IL1RAPL2: variants seen among roughly 807,000 people sequenced by gnomAD.
IL1RAPL2 encodes interleukin 1 receptor accessory protein like 2, also known as X-linked interleukin-1 receptor accessory protein-like 2.
A neutral mutation model predicts 44.1 loss-of-function variants in IL1RAPL2; 3 were observed. The observed-to-expected ratio is 0.07, with a 90% CI of 0.03 to 0.18. IL1RAPL2 has a LOEUF of 0.18. Among genes scored for constraint, IL1RAPL2 ranks in the 10% least tolerant of loss-of-function variants. IL1RAPL2 has a pLI of 1.00. For missense variants in IL1RAPL2, 391 were observed against 496.4 expected (o/e 0.79, Z 2.02); for synonymous variants, 181 against 178.8 (o/e 1.01, Z -0.10).
intron 2 of IL1RAPL2, among the ~76,000 whole-genome samples, chrX:104,838,784 G>T (rs1170413337): frequency 9.2e-6 from 1 of 108,223 alleles, no homozygotes. Context: ...GTGAGAGAGG[G>T]CATCCTTGTC....
chrX:105,080,020 T>G (rs1220325923), intron 2 of IL1RAPL2, among the ~76,000 whole-genome samples: 1 of 112,430 alleles, frequency 8.9e-6, no homozygotes, highest in African/African-American at 3.2e-5. Flanking sequence ...TCTGTTCATA[T>G]CCTTCACCTG....
At position 104,923,854 on chromosome X, in the gene IL1RAPL2, C is replaced by T. The variant is rs756722215; in HGVS notation, c.82+264859C>T. Among the ~76,000 whole-genome samples the T allele has an allele frequency of 9.1e-4, 72 of 78,978 alleles. 5 individuals carry two copies. The South Asian group carries it at 0.011, about 12-fold the overall frequency. 68.6% of individuals were successfully genotyped at this position (78,978 alleles called of 115,157 possible). Reference sequence around the variant, plus strand: ...AAATGTACCAATTAAAAGATATAGACGGGCAAGTTGGATTTAAAAAAAAAA... The same window carrying T: ...AAATGTACCAATTAAAAGATATAGATGGGCAAGTTGGATTTAAAAAAAAAA... On this transcript the variant is annotated intron_variant, in intron 2 of 10. Transcript: ENST00000372582.
chrX:105,015,320 A>G (rs1458935027), intron 2 of IL1RAPL2, among the ~76,000 whole-genome samples: 1 of 110,723 alleles, frequency 9.0e-6, no homozygotes, highest in Non-Finnish European at 1.9e-5. Flanking sequence ...GTTTAATTAG[A>G]TCCCGTTTGT....
At chrX:105,063,636 A>G (rs1478606194) in intron 2 of IL1RAPL2, among the ~76,000 whole-genome samples, 2 of 111,770 alleles carry the variant, frequency 1.8e-5, no homozygotes, top group African/African-American at 6.5e-5. Flanking sequence ...GTGTCTGCAA[A>G]TTGATGAGTT....
At chrX:105,254,204 A>T (rs1469922031) in intron 4 of IL1RAPL2, among the ~76,000 whole-genome samples, 1 of 111,518 alleles carries the variant, frequency 9.0e-6, no homozygotes, top group Non-Finnish European at 1.9e-5. Context: ...CCACAACCTC[A>T]CCAGCATCTG....
At chrX:104,858,551 A>G (rs1922423256) in intron 2 of IL1RAPL2, among the ~76,000 whole-genome samples, 1 of 112,195 alleles carries the variant, frequency 8.9e-6, no homozygotes, top group Non-Finnish European at 1.9e-5. Flanking sequence ...AATAAAATTG[A>G]TATGCATTTA....
intron 2 of IL1RAPL2, among the ~76,000 whole-genome samples, chrX:105,163,722 C>A (rs1200344588): frequency 9.0e-6 from 1 of 111,279 alleles, no homozygotes; most frequent in Non-Finnish European, 1.9e-5. Context: ...TATGGCTGAA[C>A]AACACCCCAT....
rs992908791 is a variant in IL1RAPL2, at chrX:105,579,764, G to A, written c.772+95377G>A. ...GATATGAAGCCAGTACTCAATTCTG[G>A]CTCTATATAATACCACCTATTATCC... On this transcript the variant is annotated intron_variant, in intron 6 of 10. Coordinates refer to ENST00000372582, the MANE Select transcript of IL1RAPL2 (RefSeq NM_017416.2). Among the ~76,000 whole-genome samples, 7 of 111,552 alleles carry A rather than the reference G, an allele frequency of 6.3e-5. No homozygotes were observed. The Admixed American group carries it at 6.7e-4, about 11-fold the overall frequency.
chrX:105,089,608 A>G (rs779589422), intron 2 of IL1RAPL2, among the ~76,000 whole-genome samples: 4 of 111,628 alleles, frequency 3.6e-5, no homozygotes, highest in Non-Finnish European at 7.5e-5. Context: ...CTGTCTTTCA[A>G]GAGTGTTATT....
At chrX:104,781,924 C>G (rs1212618825) in intron 2 of IL1RAPL2, among the ~76,000 whole-genome samples, 1 of 111,243 alleles carries the variant, frequency 9.0e-6, no homozygotes, top group African/African-American at 3.3e-5. Context: ...GTCATGAGGG[C>G]TCCAACCTCA....
intron 2 of IL1RAPL2, among the ~76,000 whole-genome samples, chrX:105,054,345 G>A (rs73520241): frequency 0.027 from 2,986 of 111,700 alleles, 116 homozygotes; most frequent in African/African-American, 0.093. Context: ...GTAAAATGAT[G>A]TTGCTTTGAT....
At chrX:105,256,305 G>A (rs935389716) in intron 4 of IL1RAPL2, among the ~76,000 whole-genome samples, 39 of 108,904 alleles carry the variant, frequency 3.6e-4, no homozygotes, top group African/African-American at 1.2e-3. Flanking sequence ...TTGGTGGATA[G>A]GCTATTTATT....
intron 5 of IL1RAPL2, among the ~76,000 whole-genome samples, chrX:105,396,604 G>C (rs1282652748): frequency 1.9e-5 from 2 of 105,731 alleles, no homozygotes; most frequent in African/African-American, 6.8e-5. Context: ...CTACAGGCCT[G>C]ACCTCTCTCC....
intron 2 of IL1RAPL2, among the ~76,000 whole-genome samples, chrX:104,677,451 G>T (rs747589509): frequency 7.2e-5 from 8 of 110,946 alleles, no homozygotes; most frequent in African/African-American, 9.8e-5. Flanking sequence ...GCAGTCTGCC[G>T]GTTCTCAGAT....
intron 6 of IL1RAPL2, among the ~76,000 whole-genome samples, chrX:105,490,770 ATTAAATGAATTTCTTGGCC>A (rs1460537662): frequency 1.8e-5 from 2 of 112,471 alleles, no homozygotes; most frequent in Admixed American, 1.9e-4. Flanking sequence ...ACAGAGGTGA[ATTAAATGAATTTCTTGGCC>A]TTAAGGAGTT....
intron 2 of IL1RAPL2, among the ~76,000 whole-genome samples, chrX:105,075,451 T>G (rs980596677): frequency 1.8e-5 from 2 of 111,700 alleles, no homozygotes; most frequent in Non-Finnish European, 3.8e-5. Context: ...TGCCAGTATT[T>G]TATTGAGGAT....
intron 1 of IL1RAPL2, among the ~76,000 whole-genome samples, chrX:104,582,594 C>CT (rs768491457): frequency 1.4e-5 from 1 of 71,147 alleles, no homozygotes; most frequent in African/African-American, 6.0e-5. Context: ...TTCTTTCTTT[C>CT]TTTTTCTTTC....
intron 2 of IL1RAPL2, among the ~76,000 whole-genome samples, chrX:104,888,618 C>A (rs1923327061): frequency 1.8e-5 from 2 of 110,615 alleles, no homozygotes; most frequent in African/African-American, 6.6e-5. Flanking sequence ...ACAAGACTCT[C>A]AACCTAACCC....
chrX:105,715,632 T>C (rs997833703), intron 6 of IL1RAPL2, among the ~76,000 whole-genome samples: 6 of 111,421 alleles, frequency 5.4e-5, no homozygotes, highest in Non-Finnish European at 9.4e-5. Flanking sequence ...CCTGGAGATA[T>C]CAAAACCAAA....
Sources: gnomAD v4.1 joint callset for allele counts (sites outside exome capture counted in the v4.1 genomes callset) on GRCh38, gnomAD v4.1.1 for gene constraint, MANE v1.5 for transcripts, NCBI Gene and HGNC (gene_info 2026-07-23, HGNC 2026-07-21) for gene names.